Variants in LRRC27 observed in about 807,000 individuals in gnomAD.
LRRC27 encodes the protein leucine-rich repeat-containing protein 27.
LRRC27 carries 57 observed loss-of-function variants against 55.0 expected under a neutral mutation model. The observed-to-expected ratio is 1.04, with a 90% CI of 0.84 to 1.29. The LOEUF is 1.29. Among genes scored for constraint, LRRC27 ranks in the 50% most tolerant of loss-of-function variants. The pLI is 0.00. For synonymous variants in LRRC27, 278 were observed against 251.9 expected (o/e 1.10, Z -0.98); for missense variants, 721 against 651.5 (o/e 1.11, Z -1.16).
rs1294834301 is a variant in LRRC27, at chr10:132,344,487, C to T, written c.401-11C>T. 6 of 1,585,704 alleles carry T rather than the reference C, an allele frequency of 3.8e-6. No homozygotes were observed. The highest frequency in any genetic ancestry group is 2.3e-5 in the South Asian group (2 of 88,014). ...ATAGAATGCTGACAGTTTTTTTTTC[C>T]TCCACTGCAGGGAGCGTAACCACGC... On this transcript the variant is annotated splice_polypyrimidine_tract_variant and intron_variant, in intron 4 of 10. Coordinates refer to ENST00000368614, the MANE Select transcript of LRRC27 (RefSeq NM_030626.3).
rs2069289411 is a variant in LRRC27, at chr10:132,374,198, G to C, written c.1417-868G>C. 6.6e-6 allele frequency among the ~76,000 whole-genome samples: 1 copy of C among 150,482 alleles called. No individual in the cohort carries two copies. The highest frequency in any genetic ancestry group is 2.1e-4 in the South Asian group (1 of 4,720). On this transcript the variant is annotated intron_variant, in intron 10 of 10. Transcript: ENST00000368614. The surrounding 1 kb of genome is among the most constrained non-coding windows in gnomAD (Gnocchi z 4.4). ...TGCTGTGATATGGCTGCATGGTGAG[G>C]GGGTGCAGTGGCTCCAGGGACCTGC...
chr10:132,333,476 G>T lies in LRRC27; in HGVS notation c.-48-1G>T. ...TACGTTTCCCTTTCCCGTGTCTCCA[G>T]GTGACTCCAGACCAAGGAGGATGAG... is the stretch of plus-strand genomic sequence containing the variant. On this transcript the variant is annotated splice_acceptor_variant, in intron 1 of 10. Transcript: ENST00000368614. LOFTEE classifies it low-confidence loss of function (5UTR_SPLICE). 6.9e-7 allele frequency: 1 copy of T among 1,454,318 alleles called. No homozygotes were observed. Among genetic ancestry groups the T allele is most frequent in the Non-Finnish European group, 9.3e-7 (1 of 1,079,896 alleles). The allele number at this position is 1,454,318 out of a possible 1,614,324, so 90.1% of individuals were successfully genotyped here. A position where few individuals can be genotyped will look rare whatever the true frequency, so the allele number is the denominator to read the frequency against.
intron 8 of LRRC27, among the ~76,000 whole-genome samples, chr10:132,356,377 G>A (rs1474004405): frequency 6.6e-6 from 1 of 152,094 alleles, no homozygotes; most frequent in Non-Finnish European, 1.5e-5. Flanking sequence ...CTTAAGCTAT[G>A]GGACATGGGA....
intron 10 of LRRC27, among the ~76,000 whole-genome samples, chr10:132,373,655 G>A (rs955076072): frequency 5.9e-5 from 9 of 152,208 alleles, no homozygotes; most frequent in Admixed American, 5.9e-4. Context: ...AGAAGCTACT[G>A]TAGAATTTGT....
intron 10 of LRRC27, among the ~76,000 whole-genome samples, chr10:132,365,799 A>G (rs2069052220): frequency 6.6e-6 from 1 of 152,164 alleles, no homozygotes; most frequent in African/African-American, 2.4e-5. Flanking sequence ...GGGTTTTGCC[A>G]TGTTGGCCAG....
At chr10:132,372,000 T>C (rs1440150734) in intron 10 of LRRC27, among the ~76,000 whole-genome samples, 7 of 152,220 alleles carry the variant, frequency 4.6e-5, no homozygotes, top group Admixed American at 4.6e-4. Context: ...AGCCCCCTAG[T>C]GGTGCAGCAT....
rs1564853359 is a variant in LRRC27, at chr10:132,364,428, CGCTTACATCT to C, written c.1290-995_1290-986del. Among the ~76,000 whole-genome samples, 62 of 147,226 alleles carry C rather than the reference CGCTTACATCT, an allele frequency of 4.2e-4. 1 individual carries two copies. Among genetic ancestry groups the C allele is most frequent in the African/African-American group, 5.9e-4 (23 of 39,062 alleles). The stretch of plus-strand genomic sequence containing the variant: ...ACCTCCACACCCGCGCTTACACCCA[CGCTTACATCT>C]ACCTCCACACCCACACTCACACCCA... On this transcript the variant is annotated intron_variant, in intron 9 of 10. Coordinates refer to ENST00000368614, the MANE Select transcript of LRRC27 (RefSeq NM_030626.3).
chr10:132,337,464 T>G, intron 2 of LRRC27, 101 bp from the exon 3 acceptor site: 1 of 1,522,904 alleles, frequency 6.6e-7, no homozygotes, highest in African/African-American at 1.4e-5. Flanking sequence ...TATATACGGT[T>G]CTGGTTGTTA....
chr10:132,349,049 A>G (rs1247152995), intron 6 of LRRC27: 12 of 1,605,926 alleles, frequency 7.5e-6, no homozygotes, highest in South Asian at 2.2e-5. Context: ...GCGCCTACAC[A>G]TATGGGAGGT....
At chr10:132,337,440 GTTT>G (rs997708365) in intron 2 of LRRC27, 122 bp from the exon 3 acceptor site, 1 of 1,443,430 alleles carries the variant, frequency 6.9e-7, no homozygotes, top group Non-Finnish European at 9.1e-7. Context: ...TTGGGTTTTT[GTTT>G]TTTAACTTAG....
At chr10:132,331,874 CAGGCG>C, upstream of LRRC27, 5 of 1,239,160 alleles carry the variant, frequency 4.0e-6, no homozygotes, top group Non-Finnish European at 5.6e-6. Flanking sequence ...CGTGCGTGCG[CAGGCG>C]CACCACCCCC....
chr10:132,376,777 G>A lies in LRRC27; in HGVS notation c.*1535G>A, dbSNP rs529911959. Reference sequence around the variant, plus strand: ...TTGTTGGGTACATTGTTTTGTGTGTGTCAGGTGACATTGACTAATCCTGTT... The same window carrying A: ...TTGTTGGGTACATTGTTTTGTGTGTATCAGGTGACATTGACTAATCCTGTT... On this transcript the variant is annotated 3_prime_UTR_variant, in exon 11 of 11. Coordinates refer to ENST00000368614, the MANE Select transcript of LRRC27 (RefSeq NM_030626.3). The A allele has an allele frequency of 1.3e-5, 2 of 152,434 alleles. No individual in the cohort carries two copies. Among genetic ancestry groups the A allele is most frequent in the Non-Finnish European group, 2.9e-5 (2 of 68,056 alleles). 9.4% of individuals were successfully genotyped at this position (152,434 alleles called of 1,614,324 possible).
At chr10:132,358,302 G>GAGC (rs201193705) in intron 8 of LRRC27, among the ~76,000 whole-genome samples, 1 of 148,944 alleles carries the variant, frequency 6.7e-6, no homozygotes, top group South Asian at 2.1e-4. Flanking sequence ...CGAGGTGGTG[G>GAGC]AGCGTGGGGA....
chr10:132,373,570 G>A (rs894016383), intron 10 of LRRC27, among the ~76,000 whole-genome samples: 3 of 152,144 alleles, frequency 2.0e-5, no homozygotes, highest in African/African-American at 7.2e-5. Flanking sequence ...CAAGGTCAGG[G>A]GTCAGCACAC....
At position 132,348,433 on chromosome 10, in the gene LRRC27, A is replaced by G; in HGVS notation, c.926+77A>G. On this transcript the variant is annotated intron_variant, in intron 6 of 10. Coordinates refer to ENST00000368614, the MANE Select transcript of LRRC27 (RefSeq NM_030626.3). The surrounding 1 kb of genome is among the most constrained non-coding windows in gnomAD (Gnocchi z 4.2). ...GTTATTTTAAATTATCTTTGAAAACATCAGGTCCAGCTTTTAAAGTGTCCT... is the reference window on the plus strand; with the variant it reads ...GTTATTTTAAATTATCTTTGAAAACGTCAGGTCCAGCTTTTAAAGTGTCCT... 4 of 1,537,914 alleles carry G rather than the reference A, an allele frequency of 2.6e-6. No homozygotes were observed. The highest frequency in any genetic ancestry group is 3.5e-6 in the Non-Finnish European group (4 of 1,140,792).
chr10:132,373,285 C>A (rs966359904), intron 10 of LRRC27, among the ~76,000 whole-genome samples: 21 of 152,254 alleles, frequency 1.4e-4, no homozygotes, highest in African/African-American at 5.1e-4. Context: ...AGCGAAGCAT[C>A]CGGCAGGTTC....
Position 132,333,746 on chromosome 10 carries a change from T to A in LRRC27, c.210+12T>A. 1.2e-6 allele frequency: 2 copies of A among 1,609,300 alleles called. No individual in the cohort carries two copies. Among genetic ancestry groups the A allele is most frequent in the Non-Finnish European group, 8.5e-7 (1 of 1,178,110 alleles). Reference sequence around the variant, plus strand: ...TCCCCAGCCTTCAAGTAAGTGGGGCTGCTCCTCAGGCTGTGTGCCCACAGG... The same window carrying A: ...TCCCCAGCCTTCAAGTAAGTGGGGCAGCTCCTCAGGCTGTGTGCCCACAGG... On this transcript the variant is annotated intron_variant, in intron 2 of 10. Coordinates refer to ENST00000368614, the MANE Select transcript of LRRC27 (RefSeq NM_030626.3).
intron 8 of LRRC27, among the ~76,000 whole-genome samples, chr10:132,361,031 T>G (rs1027749545): frequency 3.3e-5 from 5 of 152,196 alleles, no homozygotes; most frequent in African/African-American, 1.2e-4. Context: ...TGTTGGGTCC[T>G]CCCAGGTCTC....
rs2069376281 is a variant in LRRC27, at chr10:132,378,989, C to T, written c.*3747C>T. ...GTGCGTGGTCTTGGATGCCATCCTGCTCATCTCCAGCATTTCCTCTCACCT... is the reference window on the plus strand; with the variant it reads ...GTGCGTGGTCTTGGATGCCATCCTGTTCATCTCCAGCATTTCCTCTCACCT... On this transcript the variant is annotated 3_prime_UTR_variant, in exon 11 of 11. Transcript: ENST00000368614. 1 of 151,376 alleles carries T rather than the reference C, an allele frequency of 6.6e-6. No homozygotes were observed. The highest frequency in any genetic ancestry group is 1.5e-5 in the Non-Finnish European group (1 of 68,316). 9.4% of individuals were successfully genotyped at this position (151,376 alleles called of 1,614,324 possible). A position where few individuals can be genotyped will look rare whatever the true frequency, so the allele number is the denominator to read the frequency against.
Sources: allele counts gnomAD v4.1 joint callset (sites outside exome capture counted in the v4.1 genomes callset), GRCh38; gene constraint gnomAD v4.1.1; non-coding constraint Gnocchi (gnomAD v3.1); transcripts MANE v1.5; gene names NCBI Gene and HGNC (gene_info 2026-07-23, HGNC 2026-07-21).